The following NKAIN3 variants were observed in gnomAD, a reference collection of about 807,000 sequenced individuals.
NKAIN3 encodes sodium/potassium-transporting ATPase subunit beta-1-interacting protein 3.
In NKAIN3, 25 loss-of-function variants were observed where a neutral mutation model predicts 30.2. That is an observed-to-expected ratio of 0.83 (90% CI 0.60 to 1.16). The LOEUF (loss-of-function observed/expected upper bound fraction) is 1.16. Among genes scored for constraint, NKAIN3 ranks in the 50% most tolerant of loss-of-function variants. The pLI, the probability that NKAIN3 is intolerant of heterozygous loss-of-function variation, is 0.00. For missense variants in NKAIN3, 225 were observed against 254.1 expected, an observed-to-expected ratio of 0.89 and a Z score of 0.78; for synonymous variants, 91 against 89.6, an observed-to-expected ratio of 1.02 and a Z score of -0.09.
chr8:62,888,752 T>C (rs1291986291), intron 4 of NKAIN3, among the ~76,000 whole-genome samples: 1 of 152,244 alleles, frequency 6.6e-6, no homozygotes, highest in African/African-American at 2.4e-5. Flanking sequence ...CTTTTTGCCA[T>C]CTATTTCAAC....
At chr8:62,941,672 T>C (rs1822956917) in intron 5 of NKAIN3, among the ~76,000 whole-genome samples, 2 of 152,182 alleles carry the variant, frequency 1.3e-5, no homozygotes, top group Admixed American at 1.3e-4. Context: ...CACATGATCG[T>C]ATCGACAGAT....
At chr8:62,396,519 C>T (rs1817771116) in intron 1 of NKAIN3, among the ~76,000 whole-genome samples, 2 of 152,186 alleles carry the variant, frequency 1.3e-5, no homozygotes, top group South Asian at 4.1e-4. Flanking sequence ...TTCCTGGGCA[C>T]TCCATAGCTT....
intron 4 of NKAIN3, among the ~76,000 whole-genome samples, chr8:62,755,121 G>GTGTT (rs1462929323): frequency 6.6e-6 from 1 of 152,212 alleles, no homozygotes; most frequent in African/African-American, 2.4e-5. Context: ...CATGAGGGTA[G>GTGTT]TGTTATTATA....
chr8:62,271,994 G>A (rs577639064), intron 1 of NKAIN3, among the ~76,000 whole-genome samples: 127 of 152,228 alleles, frequency 8.3e-4, no homozygotes, highest in Middle Eastern at 6.8e-3. Flanking sequence ...AGGCAGTAAC[G>A]TTAACCTACA....
chr8:62,763,133 A>G (rs1484774320), intron 4 of NKAIN3, among the ~76,000 whole-genome samples: 2 of 145,172 alleles, frequency 1.4e-5, no homozygotes, highest in African/African-American at 2.5e-5. Context: ...AGGCAGGAGA[A>G]TGGCGTGAAC....
chr8:62,751,638 TA>T (rs1298643175), intron 4 of NKAIN3, among the ~76,000 whole-genome samples: 1 of 152,184 alleles, frequency 6.6e-6, no homozygotes, highest in Non-Finnish European at 1.5e-5. Context: ...ACTCTTCTAT[TA>T]AATATATTGA....
chr8:62,652,170 G>T (rs180791358), intron 3 of NKAIN3, among the ~76,000 whole-genome samples: 1,861 of 152,142 alleles, frequency 0.012, 19 homozygotes, highest in Middle Eastern at 0.024. Flanking sequence ...CCATCATCTT[G>T]GGGATTAGGT....
At chr8:62,727,928 TG>T (rs1475283557) in intron 3 of NKAIN3, among the ~76,000 whole-genome samples, 8 of 152,330 alleles carry the variant, frequency 5.3e-5, no homozygotes, top group African/African-American at 1.9e-4. Flanking sequence ...TACGGTTGGA[TG>T]AGTTTTTCTT....
intron 1 of NKAIN3, among the ~76,000 whole-genome samples, chr8:62,307,342 C>G: frequency 6.8e-6 from 1 of 148,116 alleles, no homozygotes; most frequent in African/African-American, 2.6e-5. Flanking sequence ...TTCCCCTTGT[C>G]TCTCCTTCTT....
At chr8:62,855,260 G>A in intron 4 of NKAIN3, 1 of 463,946 alleles carries the variant, frequency 2.2e-6, no homozygotes, top group South Asian at 2.2e-5. Flanking sequence ...AGGCCTGCCA[G>A]CCTGGCCACA....
chr8:62,249,432 A>T (rs954922555), intron 1 of NKAIN3, among the ~76,000 whole-genome samples: 4 of 152,116 alleles, frequency 2.6e-5, no homozygotes, highest in Non-Finnish European at 4.4e-5. Flanking sequence ...GGAGTGAGGG[A>T]TTTTCCCGCC....
chr8:62,663,700 C>A (rs567412459), intron 3 of NKAIN3, among the ~76,000 whole-genome samples: 1 of 152,204 alleles, frequency 6.6e-6, no homozygotes, highest in Non-Finnish European at 1.5e-5. Context: ...TTCTATATAA[C>A]ATCATCTCCC....
chr8:62,937,346 CTGTGAGTGCCCAAAG>C (rs1181004002), intron 5 of NKAIN3, among the ~76,000 whole-genome samples: 1 of 152,142 alleles, frequency 6.6e-6, no homozygotes, highest in Non-Finnish European at 1.5e-5. Flanking sequence ...CAGCCGAAAA[CTGTGAGTGCCCAAAG>C]TGTGAGAGGG....
rs78595031 is a variant in NKAIN3, at chr8:62,811,401, G to T, written c.471+64272G>T. Among the ~76,000 whole-genome samples the T allele has an allele frequency of 9.7e-3, 1,478 of 152,092 alleles. 22 individuals carry two copies. The highest frequency in any genetic ancestry group is 0.034 in the African/African-American group (1,397 of 41,516). On this transcript the variant is annotated intron_variant, in intron 4 of 6. Transcript: ENST00000623646. ...ATAAATGCTTAAAAGTGTAATTTCTGGATACTATGGTATTTGCATATTTAG... is the reference window on the plus strand; with the variant it reads ...ATAAATGCTTAAAAGTGTAATTTCTTGATACTATGGTATTTGCATATTTAG...
chr8:62,875,730 T>A (rs1820776620), intron 4 of NKAIN3, among the ~76,000 whole-genome samples: 2 of 152,028 alleles, frequency 1.3e-5, no homozygotes, highest in Non-Finnish European at 1.5e-5. Flanking sequence ...GGGGAAAGGA[T>A]CTCCTCCTAT....
At chr8:62,309,218 T>G (rs1460065072) in intron 1 of NKAIN3, among the ~76,000 whole-genome samples, 4 of 150,652 alleles carry the variant, frequency 2.7e-5, no homozygotes, top group Admixed American at 6.6e-5. Context: ...ATGTCCAAAT[T>G]AAGACAAATT....
At chr8:62,504,387 T>A (rs6472033) in intron 1 of NKAIN3, among the ~76,000 whole-genome samples, 96,342 of 152,044 alleles carry the variant, frequency 0.63, 31,890 homozygotes, top group South Asian at 0.79. Context: ...ATATTCTCTA[T>A]ACTACATTCT....
Position 62,643,555 on chromosome 8 carries a change from C to G in NKAIN3, c.273+53761C>G, listed in dbSNP as rs1197622760. On this transcript the variant is annotated intron_variant, in intron 3 of 6. Coordinates refer to ENST00000623646, the MANE Select transcript of NKAIN3 (RefSeq NM_001304533.3). ...AGCTGTTGGTTCCCTGATTGTGCAG[C>G]TTAATCCAAGGCCTGGATCCCCTCT... 5.9e-5 allele frequency among the ~76,000 whole-genome samples: 9 copies of G among 152,232 alleles called. No homozygotes were observed. The East Asian group carries it at 1.7e-3, about 29-fold the overall frequency.
intron 1 of NKAIN3, among the ~76,000 whole-genome samples, chr8:62,546,044 T>C (rs1209685471): frequency 6.6e-6 from 1 of 152,202 alleles, no homozygotes; most frequent in East Asian, 1.9e-4. Flanking sequence ...GTTTGAGCAT[T>C]TATCCAAACA....
Sources: allele counts gnomAD v4.1 joint callset (sites outside exome capture counted in the v4.1 genomes callset), GRCh38; gene constraint gnomAD v4.1.1; transcripts MANE v1.5; gene names NCBI Gene and HGNC (gene_info 2026-07-23, HGNC 2026-07-21).